RUNX1: variants seen among roughly 807,000 people sequenced by gnomAD.
The protein encoded by RUNX1 is RUNX family transcription factor 1.
Under a neutral mutation model 42.8 loss-of-function variants are expected in RUNX1, and 19 were observed. That is an observed-to-expected ratio of 0.44 (90% CI 0.31 to 0.65). The LOEUF is 0.65. Ranked by LOEUF, RUNX1 falls within the 30% of genes least tolerant of loss-of-function variation. The pLI, the probability that RUNX1 is intolerant of heterozygous loss-of-function variation, is 0.07. For synonymous variants in RUNX1, 271 were observed against 289.4 expected (o/e 0.94, Z 0.64); for missense variants, 528 against 672.0 (o/e 0.79, Z 2.37).
At chr21:35,034,623 G>A (rs60634499) in intron 2 of RUNX1, among the ~76,000 whole-genome samples, 1 of 152,214 alleles carries the variant, frequency 6.6e-6, no homozygotes, top group Non-Finnish European at 1.5e-5. Flanking sequence ...GGGAAGGGTT[G>A]TCACTAGTGT....
chr21:34,974,471 T>G (rs1346422240), intron 2 of RUNX1, among the ~76,000 whole-genome samples: 1 of 152,182 alleles, frequency 6.6e-6, no homozygotes, highest in African/African-American at 2.4e-5. Context: ...AGCCAAGTTT[T>G]GACTTGAAGC....
intron 5 of RUNX1, among the ~76,000 whole-genome samples, chr21:34,862,217 T>C (rs2057587614): frequency 6.6e-6 from 1 of 152,102 alleles, no homozygotes; most frequent in African/African-American, 2.4e-5. Context: ...CTCAGTTTCC[T>C]CATCAGCAAA....
chr21:34,920,960 G>T (rs2058349304), intron 2 of RUNX1, among the ~76,000 whole-genome samples: 1 of 152,212 alleles, frequency 6.6e-6, no homozygotes, highest in Non-Finnish European at 1.5e-5. Context: ...CCGGGTTCAA[G>T]CGATTGTCTT....
At chr21:34,883,345 G>A (rs1398219348) in intron 4 of RUNX1, among the ~76,000 whole-genome samples, 1 of 151,918 alleles carries the variant, frequency 6.6e-6, no homozygotes, top group Non-Finnish European at 1.5e-5. Context: ...GGTGGAGGCG[G>A]GTGGGTAAAG....
At chr21:35,037,995 G>A (rs1601699263) in intron 2 of RUNX1, among the ~76,000 whole-genome samples, 2 of 151,742 alleles carry the variant, frequency 1.3e-5, no homozygotes, top group East Asian at 1.9e-4. Flanking sequence ...TGAGGTTGGC[G>A]GAGATGGCTT....
intron 5 of RUNX1, among the ~76,000 whole-genome samples, chr21:34,860,006 T>C (rs1363595946): frequency 6.6e-6 from 1 of 152,210 alleles, no homozygotes. Context: ...CCTTTGAAGA[T>C]CAGGAAAGAT....
intron 2 of RUNX1, among the ~76,000 whole-genome samples, chr21:35,045,539 G>GTTA (rs1568812283): frequency 6.6e-6 from 1 of 152,076 alleles, no homozygotes. Flanking sequence ...CACACACAGA[G>GTTA]GGATAACCAT....
intron 2 of RUNX1, among the ~76,000 whole-genome samples, chr21:34,945,331 A>G (rs1254879770): frequency 6.6e-6 from 1 of 152,224 alleles, no homozygotes; most frequent in Non-Finnish European, 1.5e-5. Flanking sequence ...TGTGCTTACA[A>G]ACATGCTCAG....
At chr21:34,812,666 C>T (rs982008273) in intron 7 of RUNX1, among the ~76,000 whole-genome samples, 1 of 152,292 alleles carries the variant, frequency 6.6e-6, no homozygotes, top group Middle Eastern at 3.4e-3. Flanking sequence ...CGTTTATTGA[C>T]TTAGAGAAAG....
chr21:34,908,880 G>C (rs2058247864), intron 2 of RUNX1, among the ~76,000 whole-genome samples: 1 of 152,124 alleles, frequency 6.6e-6, no homozygotes, highest in Admixed American at 6.5e-5. Flanking sequence ...TAATTCTAAA[G>C]AAAGAGGAAC....
intron 2 of RUNX1, among the ~76,000 whole-genome samples, chr21:34,914,718 C>T (rs1180376272): frequency 6.6e-6 from 1 of 152,210 alleles, no homozygotes; most frequent in East Asian, 1.9e-4. Context: ...GGTTCAACTG[C>T]GCCTGAGACA....
Position 34,910,307 on chromosome 21 carries a change from C to T in RUNX1, c.59-17344G>A, listed in dbSNP as rs2058262003. Among the ~76,000 whole-genome samples the T allele has an allele frequency of 2.0e-5, 3 of 152,178 alleles. No individual in the cohort carries two copies. In the South Asian group the frequency reaches 6.2e-4, roughly 31 times the overall value. ...TCCTCACTGGCTGGAGCACTCAGGA[C>T]TCTCCCAGGTCCTATTTTTCTCCTT... is the stretch of plus-strand genomic sequence containing the variant. On this transcript the variant is annotated intron_variant, in intron 2 of 8. Coordinates refer to ENST00000675419, the MANE Select transcript of RUNX1 (RefSeq NM_001754.5).
chr21:34,936,271 TC>T (rs1238942257), intron 2 of RUNX1, among the ~76,000 whole-genome samples: 1 of 128,696 alleles, frequency 7.8e-6, no homozygotes, highest in East Asian at 2.2e-4. Flanking sequence ...TCAGCCCCCC[TC>T]TTTTTTAAAA....
At chr21:34,850,114 G>C (rs549822766) in intron 6 of RUNX1, among the ~76,000 whole-genome samples, 1 of 152,168 alleles carries the variant, frequency 6.6e-6, no homozygotes, top group South Asian at 2.1e-4. Context: ...GCTAGGGTAT[G>C]AGAAAAATTC....
intron 2 of RUNX1, among the ~76,000 whole-genome samples, chr21:34,999,765 C>T (rs944196539): frequency 2.0e-5 from 3 of 152,180 alleles, no homozygotes; most frequent in Non-Finnish European, 2.9e-5. Flanking sequence ...TCTTCTCTCC[C>T]GTTAGGCACA....
At chr21:34,991,795 C>T (rs1334812821) in intron 2 of RUNX1, among the ~76,000 whole-genome samples, 1 of 152,076 alleles carries the variant, frequency 6.6e-6, no homozygotes, top group Non-Finnish European at 1.5e-5. Flanking sequence ...GAAGAAGTAA[C>T]TGGTTAAGAC....
intron 5 of RUNX1, among the ~76,000 whole-genome samples, chr21:34,860,887 G>A (rs566802833): frequency 3.9e-5 from 6 of 152,182 alleles, no homozygotes; most frequent in Non-Finnish European, 8.8e-5. Context: ...AATCTCCACC[G>A]AACACTCCCC....
At chr21:34,857,970 C>T (rs189319739) in intron 6 of RUNX1, among the ~76,000 whole-genome samples, 86 of 152,246 alleles carry the variant, frequency 5.6e-4, no homozygotes, top group Middle Eastern at 3.4e-3. Flanking sequence ...CAGAAAGTCT[C>T]GATCAGAAAA....
intron 2 of RUNX1, among the ~76,000 whole-genome samples, chr21:34,973,591 C>T (rs1319622959): frequency 2.0e-5 from 3 of 152,212 alleles, no homozygotes; most frequent in African/African-American, 7.2e-5. Context: ...ATGCATTCAT[C>T]ATTACAATCC....
Sources: gnomAD v4.1 joint callset for allele counts (sites outside exome capture counted in the v4.1 genomes callset) on GRCh38, gnomAD v4.1.1 for gene constraint, MANE v1.5 for transcripts, NCBI Gene and HGNC (gene_info 2026-07-23, HGNC 2026-07-21) for gene names.